The following LRRC46 variants were observed in gnomAD, a reference collection of about 807,000 sequenced individuals.
The protein encoded by LRRC46 is leucine-rich repeat-containing protein 46.
A neutral mutation model predicts 28.0 loss-of-function variants in LRRC46; 20 were observed. The ratio of observed to expected loss-of-function variants is 0.71; its 90% CI spans 0.50 to 1.04. The LOEUF (loss-of-function observed/expected upper bound fraction) is 1.04. Ranked by LOEUF, LRRC46 falls within the 50% of genes least tolerant of loss-of-function variation. The pLI, the probability that LRRC46 is intolerant of heterozygous loss-of-function variation, is 0.00. For missense variants in LRRC46, 315 were observed against 390.1 expected (o/e 0.81, Z 1.62); for synonymous variants, 156 against 158.8 (o/e 0.98, Z 0.13).
intron 4 of LRRC46, 106 bp downstream of exon 4, chr17:47,835,505 G>A: frequency 6.9e-7 from 1 of 1,458,150 alleles, no homozygotes; most frequent in Admixed American, 1.7e-5. Flanking sequence ...TGTCAGTCAA[G>A]GACCAGCAAG....
chr17:47,832,170 G>A lies in LRRC46; in HGVS notation c.81G>A (p.Leu27=). 1 of 1,601,458 alleles carries A rather than the reference G, an allele frequency of 6.2e-7. No homozygotes were observed. Among genetic ancestry groups the A allele is most frequent in the African/African-American group, 1.3e-5 (1 of 74,630 alleles). The part of the protein sequence containing the change: ...ITEALITKRN[L]TFPEDGELSE... Reference sequence around the variant, plus strand: ...AAGCCCTTATCACTAAGCGGAACTTGACTTTCCCTGAAGATGGGGAACTGT... The same window carrying A: ...AAGCCCTTATCACTAAGCGGAACTTAACTTTCCCTGAAGATGGGGAACTGT... Residue 27 remains leucine (L), a synonymous_variant, in exon 2 of 8, where the codon TTG becomes TTA. Coordinates refer to ENST00000269025, the MANE Select transcript of LRRC46 (RefSeq NM_033413.4).
chr17:47,833,359 C>T (rs368515524), intron 2 of LRRC46, among the ~76,000 whole-genome samples: 1 of 151,252 alleles, frequency 6.6e-6, no homozygotes, highest in Admixed American at 6.6e-5. Context: ...CTTCCTCTTC[C>T]TCCTTCTTTC....
intron 2 of LRRC46, chr17:47,834,192 C>A: frequency 1.0e-6 from 1 of 973,546 alleles, no homozygotes; most frequent in South Asian, 3.4e-5. Context: ...AGGGCCCTTA[C>A]TCCTCTCTCT....
At chr17:47,832,502 A>G (rs1415543133) in intron 2 of LRRC46, among the ~76,000 whole-genome samples, 1 of 152,174 alleles carries the variant, frequency 6.6e-6, no homozygotes, top group East Asian at 1.9e-4. Context: ...AGCCTGGGCA[A>G]TAGAGACAGA....
Position 47,834,435 on chromosome 17 carries a change from C to T in LRRC46, c.127C>T (p.Leu43Phe), listed in dbSNP as rs1408245648. ...GELSEKMFHTLDELQTVRLDR... is the reference protein window; with the variant it reads ...GELSEKMFHTFDELQTVRLDR... ...TGACTCTTTTCCCAGGTTTCACACTCTTGATGAACTGCAGACTGTCCGCCT... is the reference window on the plus strand; with the variant it reads ...TGACTCTTTTCCCAGGTTTCACACTTTTGATGAACTGCAGACTGTCCGCCT... The change falls in exon 3 of 8, where the codon CTT (leucine) becomes TTT (phenylalanine). Residue 43 changes from leucine (L) to phenylalanine (F), a missense_variant. Physicochemically the swap from Leu to Phe is conservative, Grantham distance 22 (BLOSUM62 0). Transcript: ENST00000269025. The T allele has an allele frequency of 6.2e-7, 1 of 1,612,524 alleles. No individual in the cohort carries two copies. Among genetic ancestry groups the T allele is most frequent in the African/African-American group, 1.3e-5 (1 of 74,904 alleles).
intron 2 of LRRC46, chr17:47,833,917 C>T (rs1162880364): frequency 2.0e-6 from 2 of 985,442 alleles, no homozygotes; most frequent in Non-Finnish European, 2.4e-6. Context: ...GGTCAGCCTG[C>T]CCTGCTTCTT....
intron 2 of LRRC46, chr17:47,833,854 G>A (rs2033664613): frequency 1.6e-5 from 14 of 868,532 alleles, no homozygotes; most frequent in African/African-American, 1.8e-5. Context: ...GGGCTCGAGC[G>A]ATCCTCCTGC....
chr17:47,833,214 C>T (rs1271891922), intron 2 of LRRC46, among the ~76,000 whole-genome samples: 1 of 152,090 alleles, frequency 6.6e-6, no homozygotes, highest in Admixed American at 6.6e-5. Context: ...CTGTCACCTC[C>T]TCTAGGAAGC....
In LRRC46 at chr17:47,831,823, G is replaced by T. The variant is rs189742815; in HGVS notation, c.-167G>T. 5.1e-4 allele frequency: 428 copies of T among 846,364 alleles called. 4 individuals are homozygous for T. The highest frequency in any genetic ancestry group is 4.5e-3 in the South Asian group (260 of 58,096). The allele number at this position is 846,364 out of a possible 1,614,324, so 52.4% of individuals were successfully genotyped here. A position where few individuals can be genotyped will look rare whatever the true frequency, so the allele number is the denominator to read the frequency against. On this transcript the variant is annotated 5_prime_UTR_variant, in exon 1 of 8. Coordinates refer to ENST00000269025, the MANE Select transcript of LRRC46 (RefSeq NM_033413.4). ...TTCACATCAATTTACTGTTTTCTTC[G>T]ACCTCACCCCAGCAATTTTCTCTGA...
Position 47,835,497 on chromosome 17 carries a change from T to G in LRRC46, c.272+98T>G, listed in dbSNP as rs191215024. 7.5e-5 allele frequency: 111 copies of G among 1,477,776 alleles called. 1 individual carries two copies. The Middle Eastern group carries it at 2.5e-3, about 33-fold the overall frequency. The allele number at this position is 1,477,776 out of a possible 1,614,324, so 91.5% of individuals were successfully genotyped here. A position where few individuals can be genotyped will look rare whatever the true frequency, so the allele number is the denominator to read the frequency against. ...AGATTTCTCCAAGCCTGGGTCCTTG[T>G]CAGTCAAGGACCAGCAAGCCTAGAT... On this transcript the variant is annotated intron_variant, in intron 4 of 7. Coordinates refer to ENST00000269025, the MANE Select transcript of LRRC46 (RefSeq NM_033413.4).
At chr17:47,835,301 CCT>C (rs756654256) in intron 3 of LRRC46, 50 bp from the exon 4 acceptor site, 2 of 1,593,880 alleles carry the variant, frequency 1.3e-6, no homozygotes, top group African/African-American at 2.7e-5. Context: ...GTAAAGGGCC[CCT>C]GACGCATCTG....
rs140371271 is a variant in LRRC46 at position 47,836,885 on chromosome 17, T to C, written c.731T>C (p.Met244Thr). The C allele has an allele frequency of 1.9e-6, 3 of 1,613,658 alleles. No homozygotes were observed. Among genetic ancestry groups the C allele is most frequent in the South Asian group, 2.2e-5 (2 of 91,070 alleles). ...TDLPLLPGVP[M>T]AGDSSPSATP... ...CTGCCCCTGCTACCTGGGGTGCCCATGGCTGGGGACAGCAGCCCTTCTGCC... is the reference window on the plus strand; with the variant it reads ...CTGCCCCTGCTACCTGGGGTGCCCACGGCTGGGGACAGCAGCCCTTCTGCC... Residue 244 changes from methionine (M) to threonine (T), a missense_variant, in exon 8 of 8, where the codon ATG becomes ACG. Coordinates refer to ENST00000269025, the MANE Select transcript of LRRC46 (RefSeq NM_033413.4). The surrounding 1 kb of genome is among the most constrained non-coding windows in gnomAD (Gnocchi z 5.8).
At chr17:47,835,504 A>G in intron 4 of LRRC46, 105 bp downstream of exon 4, 1 of 1,456,150 alleles carries the variant, frequency 6.9e-7, no homozygotes, top group Non-Finnish European at 9.6e-7. Context: ...TTGTCAGTCA[A>G]GGACCAGCAA....
rs115124496 is a variant in LRRC46, at chr17:47,832,272, G to A, written c.116+67G>A. 1,014 of 1,184,704 alleles carry A rather than the reference G, an allele frequency of 8.6e-4. 4 individuals carry two copies. The African/African-American group carries it at 0.014, about 16-fold the overall frequency. 73.4% of individuals were successfully genotyped at this position (1,184,704 alleles called of 1,614,324 possible). ...CACTCAGGATGACCAGGTCCCTGAC[G>A]TGTACTGATTTGTCAACTGATCTTT... On this transcript the variant is annotated intron_variant, in intron 2 of 7. Coordinates refer to ENST00000269025, the MANE Select transcript of LRRC46 (RefSeq NM_033413.4).
Position 47,837,675 on chromosome 17 carries a change from A to G in LRRC46, c.*555A>G. 1 of 871,002 alleles carries G rather than the reference A, an allele frequency of 1.1e-6. No individual in the cohort carries two copies. The highest frequency in any genetic ancestry group is 1.8e-5 in the African/African-American group (1 of 55,908). 54.0% of individuals were successfully genotyped at this position (871,002 alleles called of 1,614,324 possible). ...CTCTCCCACCCCCACTGGTCCTGGG[A>G]TAAAGTTCACTGAAGAGAAAATAAA... On this transcript the variant is annotated 3_prime_UTR_variant, in exon 8 of 8. Coordinates refer to ENST00000269025, the MANE Select transcript of LRRC46 (RefSeq NM_033413.4).
At position 47,834,339 on chromosome 17, in the gene LRRC46, C is replaced by A. The variant is rs1460677497; in HGVS notation, c.117-86C>A. On this transcript the variant is annotated intron_variant, in intron 2 of 7. Transcript: ENST00000269025. ...TCAGCCAACTACCCCTCCTTGAAACCCCTTCCCTCCTCCGTCTCCCATCCT... is the reference window on the plus strand; with the variant it reads ...TCAGCCAACTACCCCTCCTTGAAACACCTTCCCTCCTCCGTCTCCCATCCT... 7 of 995,272 alleles carry A rather than the reference C, an allele frequency of 7.0e-6. 1 individual carries two copies. Among genetic ancestry groups the A allele is most frequent in the African/African-American group, 1.6e-5 (1 of 60,876 alleles). 61.7% of individuals were successfully genotyped at this position (995,272 alleles called of 1,614,324 possible). A position where few individuals can be genotyped will look rare whatever the true frequency, so the allele number is the denominator to read the frequency against.
In LRRC46 at chr17:47,837,706, T is replaced by G; in HGVS notation, c.*586T>G. 2.8e-6 allele frequency: 3 copies of G among 1,068,606 alleles called. No homozygotes were observed. The highest frequency in any genetic ancestry group is 3.8e-6 in the Non-Finnish European group (3 of 783,616). 66.2% of individuals were successfully genotyped at this position (1,068,606 alleles called of 1,614,324 possible). A position where few individuals can be genotyped will look rare whatever the true frequency, so the allele number is the denominator to read the frequency against. On this transcript the variant is annotated 3_prime_UTR_variant, in exon 8 of 8. Transcript: ENST00000269025. ...TTCACTGAAGAGAAAATAAAGCACA[T>G]TTATTAAGGCAAAGGCCAAGCTGGC...
At position 47,836,652 on chromosome 17, in the gene LRRC46, G is replaced by GA; in HGVS notation, c.596-97dup. On this transcript the variant is annotated intron_variant, in intron 7 of 7. Coordinates refer to ENST00000269025, the MANE Select transcript of LRRC46 (RefSeq NM_033413.4). The surrounding 1 kb of genome is among the most constrained non-coding windows in gnomAD (Gnocchi z 5.8). ...CAGCCTCAGGCTCCTTCCCACAAGG[G>GA]ACAAGGGGCCAGCCAGAGACTTCCC... 1 of 1,533,258 alleles carries GA rather than the reference G, an allele frequency of 6.5e-7. No homozygotes were observed. The highest frequency in any genetic ancestry group is 8.8e-7 in the Non-Finnish European group (1 of 1,140,288). The allele number at this position is 1,533,258 out of a possible 1,614,324, so 95.0% of individuals were successfully genotyped here. A position where few individuals can be genotyped will look rare whatever the true frequency, so the allele number is the denominator to read the frequency against.
rs374756958 is a variant in LRRC46, at chr17:47,836,494, G to C, written c.595+19G>C. 2.6e-5 allele frequency: 42 copies of C among 1,612,598 alleles called. No homozygotes were observed. Among genetic ancestry groups the C allele is most frequent in the Non-Finnish European group, 3.4e-5 (40 of 1,179,080 alleles). On this transcript the variant is annotated intron_variant, in intron 7 of 7. Transcript: ENST00000269025. The surrounding 1 kb of genome is among the most constrained non-coding windows in gnomAD (Gnocchi z 5.8). ...GAACGAGGTGACCCTGCTTTCCAAG[G>C]TTTTCAGCCTCCCCAGAGCCCACCT...
Sources: allele counts gnomAD v4.1 joint callset (sites outside exome capture counted in the v4.1 genomes callset), GRCh38; gene constraint gnomAD v4.1.1; non-coding constraint Gnocchi (gnomAD v3.1); transcripts MANE v1.5; gene names NCBI Gene and HGNC (gene_info 2026-07-23, HGNC 2026-07-21).